APC: variants seen among roughly 807,000 people sequenced by gnomAD.
APC encodes APC regulator of Wnt signaling pathway.
In APC, 72 loss-of-function variants were observed where a neutral mutation model predicts 247.0. The ratio of observed to expected loss-of-function variants is 0.29; its 90% CI spans 0.24 to 0.35. APC has a LOEUF of 0.35. APC is among the 10% of genes least tolerant of loss of function. The probability of loss-of-function intolerance (pLI) is 1.00; values close to 1 mark genes in which losing one functional copy is unlikely to be tolerated. For missense variants in APC, 3,400 were observed against 3,360.7 expected, an observed-to-expected ratio of 1.01 and a Z score of -0.29; for synonymous variants, 1,254 against 1,162.5, an observed-to-expected ratio of 1.08 and a Z score of -1.60.
upstream of APC, among the ~76,000 whole-genome samples, chr5:112,737,413 A>G (rs549587201): frequency 1.3e-5 from 2 of 152,348 alleles, no homozygotes; most frequent in African/African-American, 4.8e-5. Context: ...CGAGTGATCT[A>G]TCTAACAAGT....
chr5:112,843,704 C>G lies in APC; in HGVS notation c.8110C>G (p.Gln2704Glu). Residue 2704 changes from glutamine to glutamate, a missense_variant, in exon 16 of 16, where the codon CAA (glutamine) becomes GAA (glutamate). This residue lies in a region of APC where 1,788 missense variants were observed against 1,649.5 expected (regional missense o/e 1.08). Coordinates refer to ENST00000257430, the MANE Select transcript of APC (RefSeq NM_000038.6). The surrounding 1 kb of genome is among the most constrained non-coding windows in gnomAD (Gnocchi z 4.8). ...AGATTCAAAAGATAATCAGGCAAAA[C>G]AAAATGTGGGTAATGGCAGTGTTCC... ...IKDSKDNQAK[Q>E]NVGNGSVPMR... is the part of the protein sequence containing the mutation. 1 of 1,614,000 alleles carries G rather than the reference C, an allele frequency of 6.2e-7. No individual in the cohort carries two copies. Among genetic ancestry groups the G allele is most frequent in the Non-Finnish European group, 8.5e-7 (1 of 1,179,910 alleles).
chr5:112,712,477 C>G (rs769902689), intron 1 of APC, among the ~76,000 whole-genome samples: 2 of 152,020 alleles, frequency 1.3e-5, no homozygotes, highest in Non-Finnish European at 2.9e-5. Flanking sequence ...ACCTAGACCT[C>G]TCAGGCTCAA....
At position 112,840,663 on chromosome 5, in the gene APC, TTCC is replaced by T; in HGVS notation, c.5071_5073del (p.Pro1691del). 1 of 1,613,952 alleles carries T rather than the reference TTCC, an allele frequency of 6.2e-7. No individual in the cohort carries two copies. The highest frequency in any genetic ancestry group is 8.5e-7 in the Non-Finnish European group (1 of 1,179,918). On this transcript the variant is annotated inframe_deletion, in exon 16 of 16. Coordinates refer to ENST00000257430, the MANE Select transcript of APC (RefSeq NM_000038.6). The surrounding 1 kb of genome is among the most constrained non-coding windows in gnomAD (Gnocchi z 4.1). The stretch of plus-strand genomic sequence containing the variant: ...GGTGAATTTGAAAAACGAGATACCA[TTCC>T]TACAGAAGGCAGAAGTACAGATGAG...
intron 4 of APC, among the ~76,000 whole-genome samples, chr5:112,767,770 A>G (rs914885009): frequency 1.3e-5 from 2 of 152,098 alleles, no homozygotes; most frequent in Non-Finnish European, 2.9e-5. Flanking sequence ...AGCTGAAACT[A>G]TAGACGCCTA....
chr5:112,831,606 C>A (rs1257562029), intron 14 of APC, among the ~76,000 whole-genome samples: 1 of 152,148 alleles, frequency 6.6e-6, no homozygotes, highest in Non-Finnish European at 1.5e-5. Context: ...AGAATCAGAA[C>A]TACCTTCTAG....
At chr5:112,799,578 T>C (rs1015098274) in intron 7 of APC, among the ~76,000 whole-genome samples, 2 of 152,136 alleles carry the variant, frequency 1.3e-5, no homozygotes, top group Admixed American at 6.5e-5. Context: ...CATTTAAAAT[T>C]TGACTTAAAA....
intron 1 of APC, among the ~76,000 whole-genome samples, chr5:112,711,226 C>T (rs1750826448): frequency 6.6e-6 from 1 of 152,190 alleles, no homozygotes; most frequent in African/African-American, 2.4e-5. Context: ...TAGTGCCAAC[C>T]TTGTTTTGAA....
intron 1 of APC, among the ~76,000 whole-genome samples, chr5:112,723,172 T>C (rs1198086325): frequency 6.6e-6 from 1 of 151,892 alleles, no homozygotes. Flanking sequence ...TAATAAGCAT[T>C]ATAGTAGTGA....
upstream of APC, among the ~76,000 whole-genome samples, chr5:112,734,556 G>A (rs1460217375): frequency 1.3e-5 from 2 of 152,072 alleles, no homozygotes; most frequent in Non-Finnish European, 2.9e-5. Context: ...GTTGATATCT[G>A]TAGGCATAAC....
intron 8 of APC, among the ~76,000 whole-genome samples, chr5:112,814,821 A>G (rs1487258269): frequency 6.6e-6 from 1 of 152,164 alleles, no homozygotes; most frequent in East Asian, 1.9e-4. Flanking sequence ...TCCACATTAC[A>G]TTGGAACACT....
At chr5:112,836,853 A>G (rs1434725207) in intron 15 of APC, among the ~76,000 whole-genome samples, 1 of 151,874 alleles carries the variant, frequency 6.6e-6, no homozygotes, top group African/African-American at 2.4e-5. Flanking sequence ...GGCATGCACT[A>G]CCATGCCCGG....
chr5:112,814,519 T>C (rs191335742), intron 8 of APC, among the ~76,000 whole-genome samples: 43 of 152,314 alleles, frequency 2.8e-4, no homozygotes, highest in South Asian at 2.7e-3. Flanking sequence ...GCCAGTTAAT[T>C]TGACCTTCAG....
rs578066473 is a variant in APC at position 112,713,952 on chromosome 5, C to T, written c.165+6070C>T. Among the ~76,000 whole-genome samples the T allele has an allele frequency of 6.6e-5, 10 of 152,228 alleles. No individual in the cohort carries two copies. In the South Asian group the frequency reaches 1.2e-3, roughly 19 times the overall value. ...GGATTATAGGCGTTAGCCACCGTGC[C>T]GAGCCTATACGTAAGATTTTGACTG... On this transcript the variant is annotated intron_variant, in intron 1 of 13. Transcript: ENST00000507379.
intron 14 of APC, among the ~76,000 whole-genome samples, chr5:112,833,001 T>A (rs779691381): frequency 6.6e-6 from 1 of 150,960 alleles, no homozygotes; most frequent in Middle Eastern, 3.4e-3. Context: ...CAGATTGACA[T>A]CACCATCATG....
At chr5:112,792,967 C>G (rs62364021) in intron 7 of APC, among the ~76,000 whole-genome samples, 9 of 151,962 alleles carry the variant, frequency 5.9e-5, no homozygotes, top group African/African-American at 2.2e-4. Flanking sequence ...ATCCGTGGAG[C>G]TGGAAAGCAG....
At chr5:112,829,179 C>G in intron 14 of APC, 2 of 453,130 alleles carry the variant, frequency 4.4e-6, no homozygotes, top group Non-Finnish European at 8.2e-6. Flanking sequence ...CTTTCTCTCG[C>G]CCAGGCTGGA....
intron 9 of APC, among the ~76,000 whole-genome samples, chr5:112,817,140 G>A (rs1762595808): frequency 6.6e-6 from 1 of 152,120 alleles, no homozygotes; most frequent in Admixed American, 6.6e-5. Flanking sequence ...AAAGTGCTGG[G>A]ATTAGAGGCA....
At chr5:112,769,625 T>C (rs1756803740) in intron 4 of APC, among the ~76,000 whole-genome samples, 1 of 152,220 alleles carries the variant, frequency 6.6e-6, no homozygotes, top group Non-Finnish European at 1.5e-5. Flanking sequence ...TGGTAAAATA[T>C]ATAAAAGCTT....
At chr5:112,764,202 C>T (rs923341709) in intron 2 of APC, among the ~76,000 whole-genome samples, 3 of 148,696 alleles carry the variant, frequency 2.0e-5, no homozygotes, top group East Asian at 2.0e-4. Flanking sequence ...GCCGAGATTG[C>T]GCCACTGCTC....
Sources: allele counts gnomAD v4.1 joint callset (sites outside exome capture counted in the v4.1 genomes callset), GRCh38; gene constraint gnomAD v4.1.1; regional missense constraint gnomAD v4.1.1; non-coding constraint Gnocchi (gnomAD v3.1); transcripts MANE v1.5; gene names NCBI Gene and HGNC (gene_info 2026-07-23, HGNC 2026-07-21).